SLX4IP: variants seen among roughly 807,000 people sequenced by gnomAD.
SLX4IP encodes the protein SLX4 interacting protein, also known as protein SLX4IP.
SLX4IP carries 34 observed loss-of-function variants against 32.9 expected under a neutral mutation model. The ratio of observed to expected loss-of-function variants is 1.03; its 90% CI spans 0.79 to 1.38. The LOEUF is 1.38. Among genes scored for constraint, SLX4IP ranks in the 40% most tolerant of loss-of-function variants. The probability of loss-of-function intolerance (pLI) is 0.00; values close to 1 mark genes in which losing one functional copy is unlikely to be tolerated. For missense variants in SLX4IP, 444 were observed against 479.0 expected (o/e 0.93, Z 0.68); for synonymous variants, 172 against 171.7 (o/e 1.00, Z -0.01).
chr20:10,618,866 T>C (rs7268238), intron 6 of SLX4IP, among the ~76,000 whole-genome samples: 17,796 of 145,384 alleles, frequency 0.12, 1,270 homozygotes, highest in South Asian at 0.29. Flanking sequence ...GTAATCAGGA[T>C]GACTCCCTTT....
chr20:10,554,229 C>T (rs1320632513), intron 2 of SLX4IP, among the ~76,000 whole-genome samples: 1 of 152,126 alleles, frequency 6.6e-6, no homozygotes, highest in Admixed American at 6.5e-5. Flanking sequence ...TTATTTTGGT[C>T]TGGTTTCTTT....
At chr20:10,581,939 C>G (rs1006147826) in intron 4 of SLX4IP, among the ~76,000 whole-genome samples, 2 of 152,046 alleles carry the variant, frequency 1.3e-5, no homozygotes, top group African/African-American at 2.4e-5. Context: ...AGTGGGATGA[C>G]TGAGAGCTGA....
At chr20:10,595,316 G>A (rs1463498892) in intron 4 of SLX4IP, among the ~76,000 whole-genome samples, 1 of 152,160 alleles carries the variant, frequency 6.6e-6, no homozygotes, top group Non-Finnish European at 1.5e-5. Flanking sequence ...CGCCAGCAAG[G>A]AAACAGGCAT....
chr20:10,438,556 C>A (rs1434479701), intron 1 of SLX4IP, among the ~76,000 whole-genome samples: 1 of 148,770 alleles, frequency 6.7e-6, no homozygotes, highest in Admixed American at 6.8e-5. Context: ...TGGCTCACTG[C>A]AACCTCCGCC....
chr20:10,504,931 G>A (rs1378843781), intron 2 of SLX4IP, among the ~76,000 whole-genome samples: 3 of 151,546 alleles, frequency 2.0e-5, no homozygotes, highest in African/African-American at 7.3e-5. Context: ...AAAAGAAACT[G>A]TAGGAGGAAA....
chr20:10,612,701 G>A lies in SLX4IP; in HGVS notation c.406-8613G>A, dbSNP rs571771025. Among the ~76,000 whole-genome samples, 9 of 151,984 alleles carry A rather than the reference G, an allele frequency of 5.9e-5. No homozygotes were observed. In the East Asian group the frequency reaches 9.7e-4, roughly 16 times the overall value. On this transcript the variant is annotated intron_variant, in intron 6 of 7. Coordinates refer to ENST00000334534, the MANE Select transcript of SLX4IP (RefSeq NM_001009608.3). ...ATTACAGGCATGCACCACCACGCCC[G>A]GCTAATTTTCGTGTTTTTAGTAGTG... is the stretch of plus-strand genomic sequence containing the variant.
In SLX4IP at chr20:10,564,380, G is replaced by C. The variant is rs539436829; in HGVS notation, c.238+3560G>C. On this transcript the variant is annotated intron_variant, in intron 4 of 7. Coordinates refer to ENST00000334534, the MANE Select transcript of SLX4IP (RefSeq NM_001009608.3). ...CATGTTCCCTGAAAATAGAGTTGTT[G>C]TTTCTGTGTAGGTAGTTTGGATGAA... 9.9e-5 allele frequency among the ~76,000 whole-genome samples: 15 copies of C among 152,264 alleles called. No homozygotes were observed. The South Asian group carries it at 1.2e-3, about 13-fold the overall frequency.
intron 4 of SLX4IP, among the ~76,000 whole-genome samples, chr20:10,597,243 G>A (rs996910711): frequency 2.6e-5 from 4 of 152,208 alleles, no homozygotes; most frequent in African/African-American, 9.6e-5. Context: ...GCAACTCTTG[G>A]CCACTCCAGT....
intron 2 of SLX4IP, among the ~76,000 whole-genome samples, chr20:10,492,009 C>T (rs1054095941): frequency 3.3e-5 from 5 of 152,206 alleles, no homozygotes; most frequent in African/African-American, 4.8e-5. Flanking sequence ...TAGTATTAGG[C>T]AGTCTGCTTT....
chr20:10,609,414 A>T (rs1423662607), intron 6 of SLX4IP, among the ~76,000 whole-genome samples: 1 of 152,246 alleles, frequency 6.6e-6, no homozygotes, highest in Non-Finnish European at 1.5e-5. Flanking sequence ...GAGTCTTGGA[A>T]AGAGGAGGCC....
intron 2 of SLX4IP, among the ~76,000 whole-genome samples, chr20:10,463,535 C>T (rs1209028630): frequency 6.6e-6 from 1 of 152,044 alleles, no homozygotes; most frequent in Non-Finnish European, 1.5e-5. Flanking sequence ...GTAACCAGTC[C>T]TATTGGAAGA....
chr20:10,528,021 G>A (rs533642004), intron 2 of SLX4IP, among the ~76,000 whole-genome samples: 11 of 152,128 alleles, frequency 7.2e-5, no homozygotes, highest in South Asian at 6.2e-4. Flanking sequence ...TCTGTCTTGC[G>A]TGTTTCAATT....
intron 6 of SLX4IP, among the ~76,000 whole-genome samples, chr20:10,611,030 C>A (rs1798549991): frequency 6.6e-6 from 1 of 152,142 alleles, no homozygotes. Context: ...TCTTATGTGT[C>A]ATATTTCACA....
At chr20:10,456,191 C>A (rs1184491154) in intron 1 of SLX4IP, among the ~76,000 whole-genome samples, 2 of 152,134 alleles carry the variant, frequency 1.3e-5, no homozygotes, top group African/African-American at 2.4e-5. Context: ...CCCAGGATAT[C>A]TCATCATGTA....
At chr20:10,527,143 T>C (rs1027124794) in intron 2 of SLX4IP, among the ~76,000 whole-genome samples, 1 of 152,196 alleles carries the variant, frequency 6.6e-6, no homozygotes, top group African/African-American at 2.4e-5. Flanking sequence ...CAGATAAACA[T>C]GCCATAAACT....
At chr20:10,475,925 A>G (rs2065472213) in intron 2 of SLX4IP, among the ~76,000 whole-genome samples, 1 of 152,210 alleles carries the variant, frequency 6.6e-6, no homozygotes, top group Admixed American at 6.5e-5. Flanking sequence ...AGTCTCATAG[A>G]CAGGCCTTTT....
chr20:10,530,317 C>T (rs1336173262), intron 2 of SLX4IP, among the ~76,000 whole-genome samples: 2 of 152,116 alleles, frequency 1.3e-5, no homozygotes, highest in African/African-American at 2.4e-5. Context: ...TGAGCTTTTT[C>T]TTTGTGAGGT....
chr20:10,440,302 A>G (rs919196642), intron 1 of SLX4IP, among the ~76,000 whole-genome samples: 1 of 151,966 alleles, frequency 6.6e-6, no homozygotes, highest in Non-Finnish European at 1.5e-5. Context: ...TAAAAATACA[A>G]AAATTAGCTG....
At chr20:10,479,219 G>T (rs189019897) in intron 2 of SLX4IP, among the ~76,000 whole-genome samples, 2 of 152,084 alleles carry the variant, frequency 1.3e-5, no homozygotes, top group Non-Finnish European at 2.9e-5. Context: ...AGTCATCTGC[G>T]GATGCAAAAT....
Sources: gnomAD v4.1 joint callset for allele counts (sites outside exome capture counted in the v4.1 genomes callset) on GRCh38, gnomAD v4.1.1 for gene constraint, MANE v1.5 for transcripts, NCBI Gene and HGNC (gene_info 2026-07-23, HGNC 2026-07-21) for gene names.